Variants in ZNF675 observed in about 807,000 individuals in gnomAD.
ZNF675 encodes the protein zinc finger protein 675.
Under a neutral mutation model 56.1 loss-of-function variants are expected in ZNF675, and 36 were observed. The observed-to-expected ratio is 0.64, with a 90% CI of 0.49 to 0.85. The LOEUF (loss-of-function observed/expected upper bound fraction) is 0.85. Among genes scored for constraint, ZNF675 ranks in the 40% least tolerant of loss-of-function variants. ZNF675 has a pLI of 0.00. For synonymous variants in ZNF675, 200 were observed against 218.9 expected (o/e 0.91, Z 0.76); for missense variants, 663 against 654.2 (o/e 1.01, Z -0.15).
At chr19:23,667,299 G>C (rs1968165776) in intron 1 of ZNF675, among the ~76,000 whole-genome samples, 1 of 152,102 alleles carries the variant, frequency 6.6e-6, no homozygotes, top group Non-Finnish European at 1.5e-5. Flanking sequence ...CCCAAAGAGT[G>C]AGCAGTAGCA....
intron 1 of ZNF675, among the ~76,000 whole-genome samples, chr19:23,668,621 G>A (rs1431306496): frequency 6.6e-6 from 1 of 152,254 alleles, no homozygotes; most frequent in Non-Finnish European, 1.5e-5. Flanking sequence ...GGAACCCACG[G>A]AGGCGAGGGA....
chr19:23,654,666 C>A lies in ZNF675; in HGVS notation c.267G>T (p.Gln89His). The change falls in exon 4 of 4, where the codon CAG (glutamine) becomes CAT (histidine). Residue 89 changes from glutamine to histidine, a missense_variant. This residue lies in a region of ZNF675 where 617 missense variants were observed against 590.5 expected (regional missense o/e 1.04). Transcript: ENST00000359788. ...CTTTTTCAAAAGAATCTTTTATGTT[C>A]TGCTCTGGCCAAAACTCTTGGGCAA... ...SHFAQEFWPE[Q>H]NIKDSFEKVT... is the part of the protein sequence containing the mutation. 6.4e-7 allele frequency: 1 copy of A among 1,570,426 alleles called. No individual in the cohort carries two copies. The highest frequency in any genetic ancestry group is 1.2e-5 in the South Asian group (1 of 83,596).
rs1599406928 is a variant in ZNF675, at chr19:23,654,514, T to C, written c.419A>G (p.Gln140Arg). The change falls in exon 4 of 4, where the codon CAG becomes CGG. Residue 140 changes from glutamine to arginine, a missense_variant. Transcript: ENST00000359788. ...TTTATCACATTGAAACATTTTGCTC[T>C]GCATAGTTGGTAAACATTGGTTAAG... ...NGLNQCLPTM[Q>R]SKMFQCDKYV... is the part of the protein sequence containing the mutation. 2 of 1,605,398 alleles carry C rather than the reference T, an allele frequency of 1.2e-6. No homozygotes were observed. The highest frequency in any genetic ancestry group is 1.7e-6 in the Non-Finnish European group (2 of 1,175,980).
rs1967938285 is a variant in ZNF675, at chr19:23,653,509, G to A, written c.1424C>T (p.Ser475Phe). Residue 475 changes from serine (S) to phenylalanine (F), a missense_variant, in exon 4 of 4, where the codon TCT (serine) becomes TTT (phenylalanine). Around this residue, in one of 3 missense-constraint regions of ZNF675, gnomAD observed 617 missense variants for 590.5 expected, o/e 1.04. Coordinates refer to ENST00000359788, the MANE Select transcript of ZNF675 (RefSeq NM_138330.3). ...SKLTEHKKIH[S>F]GEIPYKCEEC... is the part of the protein sequence containing the mutation. ...TTCACACTTGTAGGGTATCTCTCCA[G>A]AATGAATTTTCTTATGTTCAGTAAG... The A allele has an allele frequency of 2.5e-6, 4 of 1,613,264 alleles. No individual in the cohort carries two copies. The highest frequency in any genetic ancestry group is 3.4e-6 in the Non-Finnish European group (4 of 1,179,840).
In ZNF675 at chr19:23,665,407, G is replaced by A. The variant is rs1184526653; in HGVS notation, c.4-2249C>T. Among the ~76,000 whole-genome samples the A allele has an allele frequency of 2.0e-5, 3 of 151,736 alleles. No individual in the cohort carries two copies. In the East Asian group the frequency reaches 5.8e-4, roughly 29 times the overall value. On this transcript the variant is annotated intron_variant, in intron 1 of 3. Coordinates refer to ENST00000359788, the MANE Select transcript of ZNF675 (RefSeq NM_138330.3). ...TGGGCATTGCCTTTAAAGCTTTAAT[G>A]GGCTTAAAAAATACTTGGAAACTGT...
At chr19:23,681,489 C>T (rs1968375899) in intron 1 of ZNF675, among the ~76,000 whole-genome samples, 1 of 151,676 alleles carries the variant, frequency 6.6e-6, no homozygotes, top group Non-Finnish European at 1.5e-5. Flanking sequence ...GAGAGCAGAG[C>T]CTCCCATTCC....
Position 23,653,206 on chromosome 19 carries a change from A to G in ZNF675, c.*20T>C. The G allele has an allele frequency of 6.5e-7, 1 of 1,540,910 alleles. No homozygotes were observed. Among genetic ancestry groups the G allele is most frequent in the Non-Finnish European group, 8.7e-7 (1 of 1,147,880 alleles). Reference sequence around the variant, plus strand: ...TTTCCTTTATATTTAGAAAAATTTGAGGTGTTGTCAAAATCATTATCACAC... The same window carrying G: ...TTTCCTTTATATTTAGAAAAATTTGGGGTGTTGTCAAAATCATTATCACAC... On this transcript the variant is annotated 3_prime_UTR_variant, in exon 4 of 4. Transcript: ENST00000359788.
At chr19:23,676,060 G>C (rs988283715) in intron 1 of ZNF675, among the ~76,000 whole-genome samples, 3 of 148,940 alleles carry the variant, frequency 2.0e-5, no homozygotes, top group African/African-American at 7.4e-5. Flanking sequence ...AAGGATGAAA[G>C]TCTACAATGA....
intron 1 of ZNF675, chr19:23,686,317 TTTAAC>T (rs1170475363): frequency 6.6e-6 from 1 of 152,078 alleles, no homozygotes; most frequent in Non-Finnish European, 1.5e-5. Flanking sequence ...TATTTATTTA[TTTAAC>T]TTATTTATTT....
chr19:23,681,291 G>A (rs1568296459), intron 1 of ZNF675, among the ~76,000 whole-genome samples: 1 of 151,710 alleles, frequency 6.6e-6, no homozygotes, highest in South Asian at 2.1e-4. Context: ...TCTGAGGGTG[G>A]TACCTAGTCC....
At chr19:23,683,713 C>A (rs1431766882) in intron 1 of ZNF675, among the ~76,000 whole-genome samples, 1 of 152,190 alleles carries the variant, frequency 6.6e-6, no homozygotes, top group Non-Finnish European at 1.5e-5. Flanking sequence ...AGCCACCCCA[C>A]CTGGCCCTTA....
At chr19:23,676,349 A>G (rs988620161) in intron 1 of ZNF675, among the ~76,000 whole-genome samples, 5 of 151,752 alleles carry the variant, frequency 3.3e-5, no homozygotes, top group Non-Finnish European at 1.5e-5. Context: ...AAGTTATTAT[A>G]TAAGAACAGC....
chr19:23,662,296 T>C, intron 2 of ZNF675, 87 bp from the exon 3 acceptor site: 1 of 890,840 alleles, frequency 1.1e-6, no homozygotes, highest in South Asian at 1.6e-5. Flanking sequence ...GAGAATGTAA[T>C]GGAATAGTCT....
At position 23,652,886 on chromosome 19, in the gene ZNF675, T is replaced by A. The variant is rs923801347; in HGVS notation, c.*340A>T. On this transcript the variant is annotated 3_prime_UTR_variant, in exon 4 of 4. Transcript: ENST00000359788. ...CTTCACTTTAAAGGCTTATATTTTC[T>A]TAAAGTCTTTAGACAGTAATTGCAT... is the stretch of plus-strand genomic sequence containing the variant. 3.3e-5 allele frequency: 6 copies of A among 181,000 alleles called. No homozygotes were observed. The highest frequency in any genetic ancestry group is 7.0e-5 in the Non-Finnish European group (6 of 85,936). 11.2% of individuals were successfully genotyped at this position (181,000 alleles called of 1,614,324 possible). A position where few individuals can be genotyped will look rare whatever the true frequency, so the allele number is the denominator to read the frequency against.
chr19:23,663,143 TAAATGTCA>T lies in ZNF675; in HGVS notation c.11_18del (p.Leu4Ter). On this transcript the variant is annotated frameshift_variant, in exon 2 of 4. Transcript: ENST00000359788. LOFTEE classifies it high-confidence loss of function. ...AGAGAGAATTCTATGGCCACATCCC[TAAATGTCA>T]ACAGTCCCTGAAAAACACATACACA... is the stretch of plus-strand genomic sequence containing the variant. 1 of 1,609,266 alleles carries T rather than the reference TAAATGTCA, an allele frequency of 6.2e-7. No individual in the cohort carries two copies.
In ZNF675 at chr19:23,654,059, C is replaced by A; in HGVS notation, c.874G>T (p.Ala292Ser). 3 of 1,613,718 alleles carry A rather than the reference C, an allele frequency of 1.9e-6. No homozygotes were observed. Among genetic ancestry groups the A allele is most frequent in the Non-Finnish European group, 1.7e-6 (2 of 1,179,996 alleles). Reference sequence around the variant, plus strand: ...GTAAGATTTGAGAACTGGTTAAAGGCTTTGCCACATTCTTCACATTTGTAG... The same window carrying A: ...GTAAGATTTGAGAACTGGTTAAAGGATTTGCCACATTCTTCACATTTGTAG... ...KPYKCEECGK[A>S]FNQFSNLTTH... is the part of the protein sequence containing the mutation. The change falls in exon 4 of 4, where the codon GCC becomes TCC. Residue 292 changes from alanine to serine, a missense_variant. Transcript: ENST00000359788.
chr19:23,671,769 A>G (rs1028606671), intron 1 of ZNF675, among the ~76,000 whole-genome samples: 1 of 151,796 alleles, frequency 6.6e-6, no homozygotes, highest in Non-Finnish European at 1.5e-5. Flanking sequence ...TGCTTTATCT[A>G]TTTATCTAAT....
chr19:23,673,659 A>G (rs1968254010), intron 1 of ZNF675, among the ~76,000 whole-genome samples: 1 of 152,132 alleles, frequency 6.6e-6, no homozygotes, highest in Non-Finnish European at 1.5e-5. Flanking sequence ...AAATATCATT[A>G]AAATAAAAAT....
rs542607039 is a variant in ZNF675, at chr19:23,663,458, G to A, written c.4-300C>T. Among the ~76,000 whole-genome samples the A allele has an allele frequency of 1.1e-4, 17 of 152,240 alleles. 1 individual carries two copies. Among genetic ancestry groups the A allele is most frequent in the African/African-American group, 3.1e-4 (13 of 41,554 alleles). ...TTTAATCCCAGCACTTTGGGAGGCC[G>A]AGGCGGGCAGATTACCTGAGGTCGG... On this transcript the variant is annotated intron_variant, in intron 1 of 3. Coordinates refer to ENST00000359788, the MANE Select transcript of ZNF675 (RefSeq NM_138330.3).
Sources: allele counts gnomAD v4.1 joint callset (sites outside exome capture counted in the v4.1 genomes callset), GRCh38; gene constraint gnomAD v4.1.1; regional missense constraint gnomAD v4.1.1; transcripts MANE v1.5; gene names NCBI Gene and HGNC (gene_info 2026-07-23, HGNC 2026-07-21).